ATP2B4: variants seen among roughly 807,000 people sequenced by gnomAD.
The protein encoded by ATP2B4 is plasma membrane calcium-transporting ATPase 4.
A neutral mutation model predicts 110.3 loss-of-function variants in ATP2B4; 39 were observed. That is an observed-to-expected ratio of 0.35 (90% CI 0.27 to 0.46). ATP2B4 has a LOEUF of 0.46. Among genes scored for constraint, ATP2B4 ranks in the 20% least tolerant of loss-of-function variants. The pLI, the probability that ATP2B4 is intolerant of heterozygous loss-of-function variation, is 1.00. For missense variants in ATP2B4, 1,135 were observed against 1,530.9 expected, an observed-to-expected ratio of 0.74 and a Z score of 4.32; for synonymous variants, 538 against 571.7, an observed-to-expected ratio of 0.94 and a Z score of 0.84.
In ATP2B4 at chr1:203,723,869, T is replaced by C. The variant is rs1329889305; in HGVS notation, c.3025-12T>C. The C allele has an allele frequency of 6.3e-7, 1 of 1,593,172 alleles. No individual in the cohort carries two copies. The highest frequency in any genetic ancestry group is 1.8e-5 in the Admixed American group (1 of 57,016). On this transcript the variant is annotated splice_polypyrimidine_tract_variant and intron_variant, in intron 18 of 20. Transcript: ENST00000357681. ...TTTCCTTGATGGTGGGCTGCCCCTT[T>C]CTCTGTTCTAGATTTTCATCGTGGA...
At chr1:203,678,593 A>G (rs985913459) in intron 1 of ATP2B4, among the ~76,000 whole-genome samples, 4 of 152,032 alleles carry the variant, frequency 2.6e-5, no homozygotes, top group African/African-American at 9.7e-5. Flanking sequence ...TTGTAGAGAC[A>G]GGGTTTCACC....
chr1:203,721,446 C>G, intron 17 of ATP2B4, 36 bp downstream of exon 17: 3 of 1,599,198 alleles, frequency 1.9e-6, no homozygotes, highest in Non-Finnish European at 2.6e-6. Context: ...AGCTGGGGTC[C>G]TGGTTGGAGG....
At chr1:203,684,515 G>A (rs12026410) in intron 2 of ATP2B4, among the ~76,000 whole-genome samples, 33,204 of 151,700 alleles carry the variant, frequency 0.22, 4,439 homozygotes, top group East Asian at 0.61. Context: ...GCACCACCAC[G>A]CCCAGCTAAT....
At chr1:203,727,827 AGCCCAGCCT>A in intron 20 of ATP2B4, 1 of 463,238 alleles carries the variant, frequency 2.2e-6, no homozygotes, top group Admixed American at 3.9e-5. Context: ...TTGACCCTAA[AGCCCAGCCT>A]GCCACCCTCT....
chr1:203,669,906 A>C (rs1049193484), intron 1 of ATP2B4, among the ~76,000 whole-genome samples: 2 of 152,172 alleles, frequency 1.3e-5, no homozygotes, highest in Non-Finnish European at 2.9e-5. Context: ...AGAAAAATAC[A>C]CAATACTCTC....
intron 2 of ATP2B4, among the ~76,000 whole-genome samples, chr1:203,690,838 T>C (rs956616688): frequency 2.6e-5 from 4 of 152,214 alleles, no homozygotes; most frequent in Admixed American, 1.3e-4. Flanking sequence ...TAGCACTAAC[T>C]AATTCACGAT....
At chr1:203,653,402 G>A (rs143488731) in intron 1 of ATP2B4, among the ~76,000 whole-genome samples, 2 of 152,312 alleles carry the variant, frequency 1.3e-5, no homozygotes, top group Non-Finnish European at 2.9e-5. Flanking sequence ...GGAAGATCTA[G>A]CTAAGATAAT....
intron 2 of ATP2B4, among the ~76,000 whole-genome samples, chr1:203,695,125 AACC>A (rs1302700604): frequency 3.3e-5 from 5 of 152,136 alleles, no homozygotes; most frequent in Non-Finnish European, 7.3e-5. Context: ...TCATCTACTA[AACC>A]TTGGTAAGAA....
At position 203,709,493 on chromosome 1, in the gene ATP2B4, G is replaced by A. The variant is rs755160326; in HGVS notation, c.1750G>A (p.Gly584Ser). Residue 584 changes from glycine (G) to serine (S), a missense_variant, in exon 11 of 21, where the codon GGT becomes AGT. Around this residue, in one of 9 missense-constraint regions of ATP2B4, gnomAD observed 368 missense variants for 455.9 expected, o/e 0.81. Coordinates refer to ENST00000357681, the MANE Select transcript of ATP2B4 (RefSeq NM_001684.5). ...GAGCACCGTCATCAGGAATCCCAAC[G>A]GTGGCTTCCGTATGTACAGCAAGGG... ...SMSTVIRNPN[G>S]GFRMYSKGAS... 7.4e-6 allele frequency: 12 copies of A among 1,614,006 alleles called. No individual in the cohort carries two copies. Among genetic ancestry groups the A allele is most frequent in the African/African-American group, 4.0e-5 (3 of 74,890 alleles).
intron 1 of ATP2B4, among the ~76,000 whole-genome samples, chr1:203,655,271 G>C (rs1404472900): frequency 6.6e-6 from 1 of 152,190 alleles, no homozygotes; most frequent in Non-Finnish European, 1.5e-5. Context: ...CAGCTGCAGG[G>C]TTTGAGAGGA....
chr1:203,657,332 T>C, intron 1 of ATP2B4: 2 of 745,426 alleles, frequency 2.7e-6, no homozygotes, highest in African/African-American at 1.7e-5. Context: ...TTCTCTTTCC[T>C]GTTCAAACAA....
At position 203,739,564 on chromosome 1, in the gene ATP2B4, T is replaced by C. The variant is rs1407941691; in HGVS notation, c.3328T>C (p.Phe1110Leu). Residue 1110 changes from phenylalanine (F) to leucine (L), a missense_variant, in exon 21 of 21, where the codon TTC becomes CTC. By Grantham distance (22) the Phe-to-Leu change is conservative (BLOSUM62 0). Coordinates refer to ENST00000357681, the MANE Select transcript of ATP2B4 (RefSeq NM_001684.5). Reference sequence around the variant, plus strand: ...GGTATAGATCAAAGTGGTCAAAGCGTTCCATAGTTCCCTCCACGAAAGCAT... The same window carrying C: ...GGTATAGATCAAAGTGGTCAAAGCGCTCCATAGTTCCCTCCACGAAAGCAT... ...IQTQIKVVKAFHSSLHESIQK... is the reference protein window; with the variant it reads ...IQTQIKVVKALHSSLHESIQK... 6.2e-7 allele frequency: 1 copy of C among 1,613,916 alleles called. No homozygotes were observed. Among genetic ancestry groups the C allele is most frequent in the Admixed American group, 1.7e-5 (1 of 59,990 alleles).
intron 1 of ATP2B4, among the ~76,000 whole-genome samples, chr1:203,664,286 C>T (rs1664437180): frequency 6.6e-6 from 1 of 152,122 alleles, no homozygotes; most frequent in African/African-American, 2.4e-5. Flanking sequence ...ATGGGGAGTA[C>T]CAATGTCCTC....
Position 203,720,534 on chromosome 1 carries a change from C to T in ATP2B4, c.2407-15C>T. The T allele has an allele frequency of 2.5e-6, 4 of 1,586,542 alleles. No individual in the cohort carries two copies. The highest frequency in any genetic ancestry group is 3.4e-6 in the Non-Finnish European group (4 of 1,165,906). ...TATCCACTCCCTCACTGTTTTCCCT[C>T]CCATCTTACCTCAGGGCATCGCAGG... is the stretch of plus-strand genomic sequence containing the variant. On this transcript the variant is annotated splice_polypyrimidine_tract_variant and intron_variant, in intron 15 of 20. Transcript: ENST00000357681.
intron 14 of ATP2B4, among the ~76,000 whole-genome samples, chr1:203,713,836 T>G (rs1177294482): frequency 6.6e-6 from 1 of 152,156 alleles, no homozygotes; most frequent in Non-Finnish European, 1.5e-5. Flanking sequence ...AGGGCAGGTA[T>G]TCCCATTTTA....
intron 2 of ATP2B4, among the ~76,000 whole-genome samples, chr1:203,687,499 T>C (rs1665232806): frequency 6.6e-6 from 1 of 152,216 alleles, no homozygotes; most frequent in Non-Finnish European, 1.5e-5. Flanking sequence ...GAGGTCCCAG[T>C]GGACCAATAA....
Position 203,711,116 on chromosome 1 carries a change from G to A in ATP2B4, c.2031+8G>A. On this transcript the variant is annotated splice_region_variant and intron_variant, in intron 12 of 20. Transcript: ENST00000357681. Reference sequence around the variant, plus strand: ...GACCCTGTGCGCCCAGAGGTGAGAGGGTGGGAAGCCACCCAGGAGTCTCAG... The same window carrying A: ...GACCCTGTGCGCCCAGAGGTGAGAGAGTGGGAAGCCACCCAGGAGTCTCAG... 2 of 1,613,676 alleles carry A rather than the reference G, an allele frequency of 1.2e-6. No individual in the cohort carries two copies. Among genetic ancestry groups the A allele is most frequent in the East Asian group, 2.2e-5 (1 of 44,860 alleles).
chr1:203,657,983 C>A (rs114629669), intron 1 of ATP2B4, among the ~76,000 whole-genome samples: 4 of 152,022 alleles, frequency 2.6e-5, no homozygotes, highest in Non-Finnish European at 5.9e-5. Flanking sequence ...GGATTACAGG[C>A]GTGAACCACG....
chr1:203,710,881 A>G lies in ATP2B4; in HGVS notation c.1804A>G (p.Asn602Asp). 6.2e-7 allele frequency: 1 copy of G among 1,610,896 alleles called. No individual in the cohort carries two copies. Among genetic ancestry groups the G allele is most frequent in the Non-Finnish European group, 8.5e-7 (1 of 1,177,666 alleles). ...GASEIILRKC[N>D]RILDRKGEAV... Reference sequence around the variant, plus strand: ...TCTTACTGTGCGCCTCCCCAGGTGTAATCGAATCCTGGACCGGAAAGGGGA... The same window carrying G: ...TCTTACTGTGCGCCTCCCCAGGTGTGATCGAATCCTGGACCGGAAAGGGGA... The change falls in exon 12 of 21, where the codon AAT becomes GAT. Residue 602 changes from asparagine (N) to aspartate (D), a missense_variant. Asn to Asp is a conservative substitution (Grantham distance 23). Around this residue, in one of 9 missense-constraint regions of ATP2B4, gnomAD observed 368 missense variants for 455.9 expected, o/e 0.81. Coordinates refer to ENST00000357681, the MANE Select transcript of ATP2B4 (RefSeq NM_001684.5).
Sources: allele counts gnomAD v4.1 joint callset (sites outside exome capture counted in the v4.1 genomes callset), GRCh38; gene constraint gnomAD v4.1.1; regional missense constraint gnomAD v4.1.1; transcripts MANE v1.5; gene names NCBI Gene and HGNC (gene_info 2026-07-23, HGNC 2026-07-21).